Variants in RAB3C observed in about 807,000 individuals in gnomAD.
RAB3C encodes the protein RAB3C, member RAS oncogene family.
Under a neutral mutation model 26.4 loss-of-function variants are expected in RAB3C, and 17 were observed. That is an observed-to-expected ratio of 0.64 (90% CI 0.44 to 0.97). The LOEUF is 0.97. Among genes scored for constraint, RAB3C ranks in the 50% least tolerant of loss-of-function variants. The probability of loss-of-function intolerance (pLI) is 0.00; values close to 1 mark genes in which losing one functional copy is unlikely to be tolerated. For synonymous variants in RAB3C, 91 were observed against 95.9 expected (o/e 0.95, Z 0.30); for missense variants, 242 against 281.9 (o/e 0.86, Z 1.01).
intron 4 of RAB3C, among the ~76,000 whole-genome samples, chr5:58,835,753 A>G (rs940489131): frequency 2.0e-5 from 3 of 152,258 alleles, no homozygotes; most frequent in African/African-American, 7.2e-5. Flanking sequence ...AAAAAAAAGC[A>G]TAAATAGCAG....
intron 2 of RAB3C, among the ~76,000 whole-genome samples, chr5:58,629,296 C>T (rs1747138621): frequency 6.6e-6 from 1 of 151,932 alleles, no homozygotes; most frequent in Non-Finnish European, 1.5e-5. Context: ...GTATAGACGC[C>T]CCTGGGCTAT....
At chr5:58,636,383 C>T (rs979942043) in intron 2 of RAB3C, among the ~76,000 whole-genome samples, 1 of 152,290 alleles carries the variant, frequency 6.6e-6, no homozygotes, top group East Asian at 1.9e-4. Flanking sequence ...GGGTTCTGGT[C>T]AAGTATCCAT....
At chr5:58,686,253 A>C (rs1020982188) in intron 2 of RAB3C, among the ~76,000 whole-genome samples, 2 of 152,162 alleles carry the variant, frequency 1.3e-5, no homozygotes, top group Non-Finnish European at 2.9e-5. Context: ...TTGATAGGAA[A>C]GAGTGAAAGA....
chr5:58,758,119 T>G (rs1741715358), intron 3 of RAB3C, among the ~76,000 whole-genome samples: 1 of 151,882 alleles, frequency 6.6e-6, no homozygotes, highest in South Asian at 2.1e-4. Flanking sequence ...TTTTTTGTAT[T>G]TTTTTTAGTA....
At chr5:58,797,396 TAC>T (rs766393460) in intron 3 of RAB3C, among the ~76,000 whole-genome samples, 23 of 116,810 alleles carry the variant, frequency 2.0e-4, no homozygotes, top group African/African-American at 7.9e-4. Flanking sequence ...TATATATATA[TAC>T]ACAGAGAGAG....
At chr5:58,635,695 T>G (rs945407766) in intron 2 of RAB3C, among the ~76,000 whole-genome samples, 1 of 152,082 alleles carries the variant, frequency 6.6e-6, no homozygotes, top group African/African-American at 2.4e-5. Context: ...ATACTTTACC[T>G]CTAGAGTAGT....
At chr5:58,678,229 T>C (rs1054594475) in intron 2 of RAB3C, among the ~76,000 whole-genome samples, 7 of 152,250 alleles carry the variant, frequency 4.6e-5, no homozygotes, top group Non-Finnish European at 1.0e-4. Flanking sequence ...AAAAAAGATA[T>C]AAAAAATATT....
chr5:58,617,595 T>C, intron 1 of RAB3C, 48 bp from the exon 2 acceptor site: 1 of 1,351,732 alleles, frequency 7.4e-7, no homozygotes, highest in African/African-American at 1.6e-5. Flanking sequence ...CAAATGAGAG[T>C]CTGATCTACA....
chr5:58,797,352 AAATATGTATATATATAAT>A (rs771641869), intron 3 of RAB3C, among the ~76,000 whole-genome samples: 27,379 of 57,042 alleles, frequency 0.48, 5,131 homozygotes, highest in South Asian at 0.57. Context: ...AAAAAAAAAA[AAATATGTATATATATAAT>A]ATATATATAT....
At chr5:58,626,339 T>C (rs1248175833) in intron 2 of RAB3C, among the ~76,000 whole-genome samples, 1 of 152,218 alleles carries the variant, frequency 6.6e-6, no homozygotes, top group Non-Finnish European at 1.5e-5. Flanking sequence ...GGAGATCTAA[T>C]TTAGTCTCAC....
At chr5:58,789,726 T>A (rs1742477702) in intron 3 of RAB3C, among the ~76,000 whole-genome samples, 1 of 152,170 alleles carries the variant, frequency 6.6e-6, no homozygotes, top group South Asian at 2.1e-4. Flanking sequence ...AATTATAAGA[T>A]AGGAATAAGT....
At chr5:58,679,277 T>C (rs2111837661) in intron 2 of RAB3C, among the ~76,000 whole-genome samples, 1 of 152,284 alleles carries the variant, frequency 6.6e-6, no homozygotes, top group African/African-American at 2.4e-5. Flanking sequence ...TTTTGGTAGT[T>C]CTCAGTAGAT....
chr5:58,792,857 CATT>C (rs1372568315), intron 3 of RAB3C, among the ~76,000 whole-genome samples: 1 of 151,486 alleles, frequency 6.6e-6, no homozygotes, highest in African/African-American at 2.4e-5. Flanking sequence ...TATATATAAT[CATT>C]ATATATGTAA....
At chr5:58,756,829 T>TTG (rs1385437778) in intron 3 of RAB3C, among the ~76,000 whole-genome samples, 1 of 151,632 alleles carries the variant, frequency 6.6e-6, no homozygotes, top group Non-Finnish European at 1.5e-5. Flanking sequence ...ACATTTTCTT[T>TTG]ATCCAGTTTA....
chr5:58,831,512 C>T (rs1159669272), intron 4 of RAB3C, among the ~76,000 whole-genome samples: 4 of 152,128 alleles, frequency 2.6e-5, no homozygotes, highest in East Asian at 1.9e-4. Context: ...ACTCTATGTC[C>T]AAATTACACT....
chr5:58,617,607 C>A, intron 1 of RAB3C, 36 bp from the exon 2 acceptor site: 1 of 1,459,500 alleles, frequency 6.9e-7, no homozygotes, highest in Non-Finnish European at 9.6e-7. Context: ...TGATCTACAC[C>A]TATTTTGTTT....
intron 4 of RAB3C, among the ~76,000 whole-genome samples, chr5:58,828,584 C>T (rs61098177): frequency 0.03 from 4,641 of 152,298 alleles, 237 homozygotes; most frequent in African/African-American, 0.11. Flanking sequence ...CTCACACTGG[C>T]GCTTCAGGCG....
chr5:58,610,375 C>T lies in RAB3C; in HGVS notation c.25-7268C>T, dbSNP rs114248883. Among the ~76,000 whole-genome samples the T allele has an allele frequency of 2.6e-3, 403 of 152,206 alleles. 2 individuals are homozygous for T. The highest frequency in any genetic ancestry group is 9.0e-3 in the African/African-American group (375 of 41,536). On this transcript the variant is annotated intron_variant, in intron 1 of 4. Coordinates refer to ENST00000282878, the MANE Select transcript of RAB3C (RefSeq NM_138453.4). ...GTCTCAGCAGCAATTTATGAGCATT[C>T]CAGTTGCTCCACATCCTTGCCAGCA... is the stretch of plus-strand genomic sequence containing the variant.
chr5:58,779,935 C>T (rs1413699362), intron 3 of RAB3C, among the ~76,000 whole-genome samples: 2 of 152,112 alleles, frequency 1.3e-5, no homozygotes, highest in African/African-American at 2.4e-5. Context: ...TCTAAAGAGG[C>T]TCACCTGGGA....
Sources: allele counts gnomAD v4.1 joint callset (sites outside exome capture counted in the v4.1 genomes callset), GRCh38; gene constraint gnomAD v4.1.1; transcripts MANE v1.5; gene names NCBI Gene and HGNC (gene_info 2026-07-23, HGNC 2026-07-21).